The following ROCK2 variants were observed in gnomAD, a reference collection of about 807,000 sequenced individuals.
The protein encoded by ROCK2 is rho-associated protein kinase 2.
Under a neutral mutation model 195.1 loss-of-function variants are expected in ROCK2, and 61 were observed. The observed-to-expected ratio is 0.31, with a 90% CI of 0.25 to 0.39. ROCK2 has a LOEUF of 0.39. Among genes scored for constraint, ROCK2 ranks in the 10% least tolerant of loss-of-function variants. The pLI is 1.00. For missense variants in ROCK2, 1,109 were observed against 1,637.4 expected (o/e 0.68, Z 5.57); for synonymous variants, 504 against 545.5 (o/e 0.92, Z 1.06).
chr2:11,325,449 T>C (rs774232926), intron 1 of ROCK2, among the ~76,000 whole-genome samples: 79 of 152,308 alleles, frequency 5.2e-4, no homozygotes, highest in Non-Finnish European at 9.0e-4. Flanking sequence ...CAGTTAATAT[T>C]TGGGGAGTTG....
intron 18 of ROCK2, among the ~76,000 whole-genome samples, chr2:11,209,770 T>C (rs1664184358): frequency 6.6e-6 from 1 of 152,198 alleles, no homozygotes; most frequent in Admixed American, 6.5e-5. Flanking sequence ...TCATCTATTA[T>C]AAAGTTGTAT....
chr2:11,317,049 A>AT (rs1199838282), intron 1 of ROCK2, among the ~76,000 whole-genome samples: 1 of 152,142 alleles, frequency 6.6e-6, no homozygotes, highest in East Asian at 1.9e-4. Flanking sequence ...TCTATGGTAT[A>AT]TAACATAAGG....
chr2:11,317,463 A>G (rs768312665), intron 1 of ROCK2, among the ~76,000 whole-genome samples: 1 of 150,210 alleles, frequency 6.7e-6, no homozygotes, highest in Non-Finnish European at 1.5e-5. Context: ...ACTTTGCAGC[A>G]TTGTTATGAA....
intron 3 of ROCK2, among the ~76,000 whole-genome samples, chr2:11,283,434 G>A (rs556374165): frequency 1.7e-4 from 26 of 150,012 alleles, no homozygotes; most frequent in African/African-American, 4.6e-4. Context: ...GGTGGCGGGC[G>A]CCTGTAGTCC....
intron 3 of ROCK2, among the ~76,000 whole-genome samples, chr2:11,268,787 G>A (rs1666518253): frequency 6.6e-6 from 1 of 152,068 alleles, no homozygotes; most frequent in African/African-American, 2.4e-5. Context: ...ATTTTAGTTG[G>A]ATTTTGTTGA....
intron 1 of ROCK2, among the ~76,000 whole-genome samples, chr2:11,330,724 G>A (rs1241672819): frequency 5.2e-5 from 6 of 114,526 alleles, no homozygotes; most frequent in African/African-American, 1.8e-4. Flanking sequence ...AGACAAGGGA[G>A]GAGGGAAGAT....
chr2:11,246,291 A>G (rs142612933), intron 4 of ROCK2, among the ~76,000 whole-genome samples: 1 of 152,224 alleles, frequency 6.6e-6, no homozygotes, highest in Non-Finnish European at 1.5e-5. Context: ...AGAAGAGATC[A>G]GCAAAATCTA....
At chr2:11,338,649 A>T (rs1669009102) in intron 1 of ROCK2, among the ~76,000 whole-genome samples, 1 of 152,172 alleles carries the variant, frequency 6.6e-6, no homozygotes, top group Non-Finnish European at 1.5e-5. Context: ...GAGAACACCA[A>T]GGGACCAGTG....
intron 1 of ROCK2, among the ~76,000 whole-genome samples, chr2:11,307,580 G>C (rs1027269937): frequency 6.6e-6 from 1 of 152,082 alleles, no homozygotes; most frequent in African/African-American, 2.4e-5. Flanking sequence ...CCCAAGTGCT[G>C]GTATTACAGG....
chr2:11,345,377 G>T (rs781539931), upstream of ROCK2, among the ~76,000 whole-genome samples: 1 of 152,182 alleles, frequency 6.6e-6, no homozygotes, highest in Non-Finnish European at 1.5e-5. Context: ...TATCGGGACC[G>T]TTCCGCCGCA....
At chr2:11,275,695 CTTTTT>C (rs70953379) in intron 3 of ROCK2, among the ~76,000 whole-genome samples, 1 of 110,206 alleles carries the variant, frequency 9.1e-6, no homozygotes, top group Admixed American at 9.5e-5. Flanking sequence ...ATTCAACAAT[CTTTTT>C]TTTTTTTTTT....
intron 1 of ROCK2, chr2:11,308,522 T>G (rs1288406845): frequency 1.3e-6 from 2 of 1,550,494 alleles, no homozygotes; most frequent in East Asian, 4.5e-5. Context: ...AGGAATGACA[T>G]TACTCACTAT....
chr2:11,248,601 C>T (rs980079829), intron 4 of ROCK2, among the ~76,000 whole-genome samples: 4 of 147,264 alleles, frequency 2.7e-5, no homozygotes, highest in Non-Finnish European at 4.5e-5. Context: ...CCCAGCTATT[C>T]GAGAGACTGA....
intron 1 of ROCK2, among the ~76,000 whole-genome samples, chr2:11,342,849 T>G (rs1159418169): frequency 6.6e-6 from 1 of 152,226 alleles, no homozygotes; most frequent in Non-Finnish European, 1.5e-5. Flanking sequence ...TAAAGTCAGT[T>G]CCTGCATTTT....
chr2:11,192,605 A>G lies in ROCK2; in HGVS notation c.3795T>C (p.Pro1265=). Residue 1265 remains proline (P), a synonymous_variant, in exon 31 of 33, where the codon CCT becomes CCC. Transcript: ENST00000315872. The surrounding 1 kb of genome is among the most constrained non-coding windows in gnomAD (Gnocchi z 5.0). ...YICHKGHEFI[P]TLYHFPTNCE... Reference sequence around the variant, plus strand: ...AGTTGGTTGGGAAATGATAAAGAGTAGGAATAAACTCATGTCCCTTGTGGC... The same window carrying G: ...AGTTGGTTGGGAAATGATAAAGAGTGGGAATAAACTCATGTCCCTTGTGGC... 1 of 1,614,090 alleles carries G rather than the reference A, an allele frequency of 6.2e-7. No homozygotes were observed. The highest frequency in any genetic ancestry group is 8.5e-7 in the Non-Finnish European group (1 of 1,179,978).
chr2:11,233,613 T>A (rs911099029), intron 5 of ROCK2, among the ~76,000 whole-genome samples: 3 of 151,590 alleles, frequency 2.0e-5, no homozygotes, highest in African/African-American at 4.8e-5. Context: ...CAAGGAATAA[T>A]AAGGTAAATT....
intron 4 of ROCK2, among the ~76,000 whole-genome samples, chr2:11,236,658 T>C (rs765647889): frequency 3.9e-5 from 6 of 152,100 alleles, no homozygotes; most frequent in Non-Finnish European, 8.8e-5. Context: ...ATCTGTACAT[T>C]CTACCAAACA....
chr2:11,296,005 G>GGGGGAGA (rs766082679), intron 1 of ROCK2, among the ~76,000 whole-genome samples: 3 of 10,334 alleles, frequency 2.9e-4, no homozygotes, highest in African/African-American at 6.1e-4. Flanking sequence ...GAGAGAGAGA[G>GGGGGAGA]GAGAGAGAGA....
intron 27 of ROCK2, among the ~76,000 whole-genome samples, chr2:11,196,820 GGTGAATGACATGGATTCCATA>G (rs1191830388): frequency 6.6e-6 from 1 of 152,108 alleles, no homozygotes; most frequent in Middle Eastern, 3.2e-3. Context: ...AACGCTGGTA[GGTGAATGACATGGATTCCATA>G]GTGTGTGACT....
Sources: allele counts gnomAD v4.1 joint callset (sites outside exome capture counted in the v4.1 genomes callset), GRCh38; gene constraint gnomAD v4.1.1; non-coding constraint Gnocchi (gnomAD v3.1); transcripts MANE v1.5; gene names NCBI Gene and HGNC (gene_info 2026-07-23, HGNC 2026-07-21).